The following PSD3 variants were observed in gnomAD, a reference collection of about 807,000 sequenced individuals.
The protein encoded by PSD3 is PH and SEC7 domain-containing protein 3.
Under a neutral mutation model 105.5 loss-of-function variants are expected in PSD3, and 49 were observed. The observed-to-expected ratio is 0.46, with a 90% confidence interval of 0.37 to 0.59. PSD3 has a LOEUF of 0.59. Among genes scored for constraint, PSD3 ranks in the 20% least tolerant of loss-of-function variants. The pLI, the probability that PSD3 is intolerant of heterozygous loss-of-function variation, is 0.00. For missense variants in PSD3, 1,561 were observed against 1,263.8 expected, an observed-to-expected ratio of 1.24 and a Z score of -3.57; for synonymous variants, 557 against 457.8, an observed-to-expected ratio of 1.22 and a Z score of -2.77.
At chr8:18,720,055 G>T (rs1037066467) in intron 9 of PSD3, among the ~76,000 whole-genome samples, 12 of 152,112 alleles carry the variant, frequency 7.9e-5, no homozygotes, top group South Asian at 2.1e-4. Context: ...TCCATGGGCA[G>T]TTATGACTGC....
chr8:18,658,201 T>C (rs1809043390), intron 9 of PSD3, among the ~76,000 whole-genome samples: 1 of 152,240 alleles, frequency 6.6e-6, no homozygotes, highest in Non-Finnish European at 1.5e-5. Flanking sequence ...CCTATTCTTT[T>C]CAATTGCAAA....
chr8:18,832,485 G>C (rs1010369213), intron 4 of PSD3, among the ~76,000 whole-genome samples: 11 of 152,064 alleles, frequency 7.2e-5, no homozygotes, highest in African/African-American at 2.7e-4. Context: ...CGCTACTTCT[G>C]CCAACCAGTA....
chr8:18,580,851 G>C (rs1162694025), intron 12 of PSD3, among the ~76,000 whole-genome samples: 3 of 152,070 alleles, frequency 2.0e-5, no homozygotes, highest in Non-Finnish European at 4.4e-5. Flanking sequence ...ATAATCAAGA[G>C]GTGAACTCTA....
At chr8:18,983,762 G>A (rs1272637624) in intron 1 of PSD3, among the ~76,000 whole-genome samples, 4 of 151,958 alleles carry the variant, frequency 2.6e-5, no homozygotes, top group Non-Finnish European at 5.9e-5. Flanking sequence ...ATTTTGGGAC[G>A]CTGAGGCAAG....
At position 18,572,427 on chromosome 8, in the gene PSD3, ACC is replaced by A; in HGVS notation, c.2784+99_2784+100del. 2.1e-6 allele frequency: 3 copies of A among 1,428,108 alleles called. No homozygotes were observed. In the South Asian group the frequency reaches 4.0e-5, roughly 19 times the overall value. 88.5% of individuals were successfully genotyped at this position (1,428,108 alleles called of 1,614,324 possible). A position where few individuals can be genotyped will look rare whatever the true frequency, so the allele number is the denominator to read the frequency against. On this transcript the variant is annotated intron_variant, in intron 14 of 15. Transcript: ENST00000327040. Reference sequence around the variant, plus strand: ...ACGCTCTCACAGGGCAAGGTCTCACACCTGCCCCCAAAACATGGACTACTATC... The same window carrying A: ...ACGCTCTCACAGGGCAAGGTCTCACATGCCCCCAAAACATGGACTACTATC...
intron 4 of PSD3, among the ~76,000 whole-genome samples, chr8:18,857,285 T>C (rs983097880): frequency 2.6e-5 from 4 of 152,194 alleles, no homozygotes; most frequent in African/African-American, 9.7e-5. Flanking sequence ...CAGTAAACGC[T>C]TCCCAAACTT....
At chr8:18,581,021 G>A (rs1802779018) in intron 12 of PSD3, among the ~76,000 whole-genome samples, 1 of 152,170 alleles carries the variant, frequency 6.6e-6, no homozygotes. Context: ...AGCAGAGACT[G>A]GCAGGGACAG....
At chr8:19,037,295 G>T (rs1827977220) in intron 1 of PSD3, among the ~76,000 whole-genome samples, 1 of 152,238 alleles carries the variant, frequency 6.6e-6, no homozygotes, top group Admixed American at 6.5e-5. Flanking sequence ...ATACAAAACT[G>T]GCTGCTGGAG....
At chr8:19,052,071 T>G (rs911067339) in intron 1 of PSD3, among the ~76,000 whole-genome samples, 7 of 152,094 alleles carry the variant, frequency 4.6e-5, no homozygotes, top group African/African-American at 1.7e-4. Context: ...CATGGCAAGG[T>G]CTGCAGGGAG....
intron 1 of PSD3, 28 bp downstream of exon 1, chr8:19,013,535 G>A (rs753995788): frequency 6.4e-7 from 1 of 1,574,686 alleles, no homozygotes; most frequent in Non-Finnish European, 8.6e-7. Flanking sequence ...TGCGCACCCC[G>A]CGCCCGCGCC....
At chr8:18,804,657 C>A in intron 5 of PSD3, 47 bp downstream of exon 5, 1 of 1,611,632 alleles carries the variant, frequency 6.2e-7, no homozygotes, top group African/African-American at 1.3e-5. Context: ...TTAAAACACA[C>A]ACAAAACAGG....
chr8:19,059,058 G>A (rs1828801989), intron 1 of PSD3, among the ~76,000 whole-genome samples: 2 of 152,224 alleles, frequency 1.3e-5, no homozygotes. Flanking sequence ...GGGCTGGTTA[G>A]CTGTATTGAG....
intron 9 of PSD3, among the ~76,000 whole-genome samples, chr8:18,726,652 T>C (rs1327317201): frequency 6.6e-6 from 1 of 152,212 alleles, no homozygotes; most frequent in Non-Finnish European, 1.5e-5. Context: ...GAACTCGATG[T>C]CTGTTCTGTT....
chr8:18,614,263 C>G (rs1180990251), intron 11 of PSD3, among the ~76,000 whole-genome samples: 1 of 152,090 alleles, frequency 6.6e-6, no homozygotes, highest in Non-Finnish European at 1.5e-5. Context: ...GCTTCTCCAG[C>G]ATTAGAATAA....
At chr8:19,074,763 A>G (rs1406303664) in intron 1 of PSD3, among the ~76,000 whole-genome samples, 1 of 149,702 alleles carries the variant, frequency 6.7e-6, no homozygotes, top group East Asian at 2.0e-4. Context: ...TGGGACTACA[A>G]GCGCCCACCA....
intron 9 of PSD3, among the ~76,000 whole-genome samples, chr8:18,658,010 T>C (rs371093122): frequency 1.3e-5 from 2 of 152,224 alleles, no homozygotes; most frequent in Non-Finnish European, 2.9e-5. Flanking sequence ...AGAAGTAGAA[T>C]TGTAAATTTA....
chr8:18,615,328 G>A (rs1805579973), intron 11 of PSD3, among the ~76,000 whole-genome samples: 1 of 152,044 alleles, frequency 6.6e-6, no homozygotes, highest in African/African-American at 2.4e-5. Context: ...TTAGTCAATC[G>A]GAATTAGTTT....
At chr8:19,053,880 A>T (rs1470016960) in intron 1 of PSD3, among the ~76,000 whole-genome samples, 1 of 152,254 alleles carries the variant, frequency 6.6e-6, no homozygotes, top group Non-Finnish European at 1.5e-5. Context: ...GTACAAATGA[A>T]TGAATGAAAT....
intron 9 of PSD3, among the ~76,000 whole-genome samples, chr8:18,687,140 A>G (rs1324059275): frequency 6.6e-6 from 1 of 152,160 alleles, no homozygotes; most frequent in African/African-American, 2.4e-5. Context: ...TCCCTTCTCT[A>G]TCGGCTCTCA....
Sources: gnomAD v4.1 joint callset for allele counts (sites outside exome capture counted in the v4.1 genomes callset) on GRCh38, gnomAD v4.1.1 for gene constraint, MANE v1.5 for transcripts, NCBI Gene and HGNC (gene_info 2026-07-23, HGNC 2026-07-21) for gene names.